The following IMPG2 variants were observed in gnomAD, a reference collection of about 807,000 sequenced individuals.
IMPG2 encodes interphotoreceptor matrix proteoglycan 2, also known as IPM 200.
Under a neutral mutation model 129.2 loss-of-function variants are expected in IMPG2, and 91 were observed. The observed-to-expected ratio is 0.70, with a 90% CI of 0.59 to 0.84. The LOEUF is 0.84. Ranked by LOEUF, IMPG2 falls within the 40% of genes least tolerant of loss-of-function variation. IMPG2 has a pLI of 0.00. For missense variants in IMPG2, 1,430 were observed against 1,461.7 expected (o/e 0.98, Z 0.35); for synonymous variants, 510 against 517.7 (o/e 0.99, Z 0.20).
At chr3:101,253,237 A>C (rs62282869) in intron 11 of IMPG2, among the ~76,000 whole-genome samples, 121,770 of 151,320 alleles carry the variant, frequency 0.8, 49,035 homozygotes, top group Admixed American at 0.83. Flanking sequence ...AGTGGATGAT[A>C]TTCTTTCTCT....
Position 101,319,823 on chromosome 3 carries a change from T to C in IMPG2, c.95A>G (p.Tyr32Cys). The C allele has an allele frequency of 1.9e-6, 3 of 1,611,818 alleles. No homozygotes were observed. The highest frequency in any genetic ancestry group is 2.5e-6 in the Non-Finnish European group (3 of 1,179,486). The change falls in exon 2 of 19, where the codon TAC becomes TGC. Residue 32 changes from tyrosine to cysteine, a missense_variant. Transcript: ENST00000193391. ...TTCTTGGATCTCCTCTATAGATAAG[T>C]AGGTTTGTGCTACAGAGTGAAAGTA... is the stretch of plus-strand genomic sequence containing the variant. ...GDFPSLTAQT[Y>C]LSIEEIQEPK...
In IMPG2 at chr3:101,230,960, AAGGGAC is replaced by A; in HGVS notation, c.3413_3418del (p.Ser1138_Phe1140delinsIle). The A allele has an allele frequency of 1.2e-6, 2 of 1,611,608 alleles. No homozygotes were observed. The highest frequency in any genetic ancestry group is 1.7e-6 in the Non-Finnish European group (2 of 1,177,740). ...GAGAGCTCTTTTCCTTATTTACCTG[AAGGGAC>A]TCTCTCTTTCACTCCTGTCATGGTG... On this transcript the variant is annotated inframe_deletion, in exon 16 of 19. Transcript: ENST00000193391.
At chr3:101,267,994 C>T (rs1231201129) in intron 8 of IMPG2, among the ~76,000 whole-genome samples, 2 of 152,114 alleles carry the variant, frequency 1.3e-5, no homozygotes, top group Non-Finnish European at 2.9e-5. Flanking sequence ...TTTTATGTAG[C>T]AGATGCTTAA....
chr3:101,248,379 G>C (rs1358196505), intron 11 of IMPG2, among the ~76,000 whole-genome samples: 1 of 152,208 alleles, frequency 6.6e-6, no homozygotes, highest in Non-Finnish European at 1.5e-5. Context: ...TGAGCCACAT[G>C]GAACTGTAAG....
intron 2 of IMPG2, among the ~76,000 whole-genome samples, chr3:101,317,556 T>C (rs951934849): frequency 3.3e-5 from 5 of 152,156 alleles, no homozygotes; most frequent in African/African-American, 1.2e-4. Context: ...AAATTATCTC[T>C]TCAAAATCAA....
At chr3:101,234,018 C>G (rs893395452) in intron 14 of IMPG2, among the ~76,000 whole-genome samples, 1 of 151,526 alleles carries the variant, frequency 6.6e-6, no homozygotes, top group Non-Finnish European at 1.5e-5. Context: ...GTTTGGAGAT[C>G]ACTGAAGTTG....
intron 2 of IMPG2, among the ~76,000 whole-genome samples, chr3:101,307,646 G>A (rs914230561): frequency 1.3e-5 from 2 of 152,104 alleles, no homozygotes; most frequent in African/African-American, 4.8e-5. Flanking sequence ...CTCCCACAGG[G>A]TCCTGCCTCC....
chr3:101,320,147 G>A (rs1265661455), intron 1 of IMPG2, 141 bp downstream of exon 1: 14 of 679,448 alleles, frequency 2.1e-5, no homozygotes, highest in South Asian at 3.8e-5. Context: ...ATTTTAAAAC[G>A]GTTTAAATGA....
chr3:101,235,764 G>T (rs1306594138), intron 14 of IMPG2, among the ~76,000 whole-genome samples: 2 of 152,312 alleles, frequency 1.3e-5, no homozygotes, highest in African/African-American at 4.8e-5. Context: ...ATGGGAGACA[G>T]GGATCTAAAT....
Position 101,243,740 on chromosome 3 carries a change from C to T in IMPG2, c.2591G>A (p.Ser864Asn). The T allele has an allele frequency of 6.2e-7, 1 of 1,613,898 alleles. No individual in the cohort carries two copies. Among genetic ancestry groups the T allele is most frequent in the East Asian group, 2.2e-5 (1 of 44,886 alleles). ...AACACTTGTTGACATTTCCACATAA[C>T]TACCAACCTTGCCATTTTGCTCTTG... ...QVQEQNGKVG[S>N]YVEMSTSVHS... Residue 864 changes from serine (S) to asparagine (N), a missense_variant, in exon 13 of 19, where the codon AGT becomes AAT. Physicochemically the swap from Ser to Asn is conservative, Grantham distance 46. Coordinates refer to ENST00000193391, the MANE Select transcript of IMPG2 (RefSeq NM_016247.4).
chr3:101,290,652 T>C (rs1706997354), intron 4 of IMPG2, among the ~76,000 whole-genome samples: 1 of 152,148 alleles, frequency 6.6e-6, no homozygotes, highest in African/African-American at 2.4e-5. Flanking sequence ...AGAGTCCCAC[T>C]TCTTTCCTAT....
At chr3:101,230,325 A>G (rs367806216) in intron 16 of IMPG2, among the ~76,000 whole-genome samples, 1 of 152,138 alleles carries the variant, frequency 6.6e-6, no homozygotes, top group East Asian at 1.9e-4. Context: ...ACCAGGTTTT[A>G]TTTCCCCATC....
chr3:101,243,554 G>A lies in IMPG2; in HGVS notation c.2777C>T (p.Ala926Val). 1 of 1,613,736 alleles carries A rather than the reference G, an allele frequency of 6.2e-7. No homozygotes were observed. The highest frequency in any genetic ancestry group is 1.1e-5 in the South Asian group (1 of 91,044). The change falls in exon 13 of 19, where the codon GCC becomes GTC. Residue 926 changes from alanine to valine, a missense_variant. By Grantham distance (64) the Ala-to-Val change is moderately conservative (BLOSUM62 0). Transcript: ENST00000193391. Reference protein sequence around the residue: ...LFNKNSLEYKALEQRFLELLV... With the variant: ...LFNKNSLEYKVLEQRFLELLV... ...CAATTCTAAGAATCTTTGCTCCAGGGCTTTATACTCCAAGGAGTTTTTATT... is the reference window on the plus strand; with the variant it reads ...CAATTCTAAGAATCTTTGCTCCAGGACTTTATACTCCAAGGAGTTTTTATT...
intron 4 of IMPG2, among the ~76,000 whole-genome samples, chr3:101,278,224 G>A (rs1706858131): frequency 6.6e-6 from 1 of 152,192 alleles, no homozygotes; most frequent in African/African-American, 2.4e-5. Context: ...GACAGAGGAA[G>A]ACTCTGCCTC....
At chr3:101,302,393 G>T (rs1025952371) in intron 3 of IMPG2, among the ~76,000 whole-genome samples, 10 of 152,132 alleles carry the variant, frequency 6.6e-5, no homozygotes, top group African/African-American at 2.4e-4. Context: ...GTATGTATAT[G>T]TGTGTGTATG....
intron 9 of IMPG2, among the ~76,000 whole-genome samples, chr3:101,264,456 G>C (rs947847235): frequency 2.6e-5 from 4 of 151,964 alleles, no homozygotes; most frequent in African/African-American, 9.7e-5. Flanking sequence ...AAAACCATAT[G>C]ATCATCATAA....
At chr3:101,238,657 A>G (rs1706372646) in intron 14 of IMPG2, among the ~76,000 whole-genome samples, 1 of 152,210 alleles carries the variant, frequency 6.6e-6, no homozygotes, top group African/African-American at 2.4e-5. Context: ...TCCTTTACAG[A>G]CAAGCAAATG....
intron 11 of IMPG2, among the ~76,000 whole-genome samples, chr3:101,251,599 GAA>G (rs1706544621): frequency 6.6e-6 from 1 of 152,088 alleles, no homozygotes; most frequent in East Asian, 1.9e-4. Context: ...ACCGCCAATT[GAA>G]AAGTTTGTTA....
chr3:101,306,503 A>G (rs955496641), intron 2 of IMPG2, among the ~76,000 whole-genome samples: 1 of 152,224 alleles, frequency 6.6e-6, no homozygotes, highest in Non-Finnish European at 1.5e-5. Flanking sequence ...CTATTTGTAG[A>G]TCATTGTTTT....
Sources: allele counts gnomAD v4.1 joint callset (sites outside exome capture counted in the v4.1 genomes callset), GRCh38; gene constraint gnomAD v4.1.1; transcripts MANE v1.5; gene names NCBI Gene and HGNC (gene_info 2026-07-23, HGNC 2026-07-21).